Variants in FNDC3A observed in about 807,000 individuals in gnomAD.
FNDC3A encodes the protein fibronectin type III domain containing 3A, also known as fibronectin type-III domain-containing protein 3A.
A neutral mutation model predicts 148.9 loss-of-function variants in FNDC3A; 32 were observed. That is an observed-to-expected ratio of 0.21 (90% CI 0.16 to 0.29). The LOEUF (loss-of-function observed/expected upper bound fraction) is 0.29. Among genes scored for constraint, FNDC3A ranks in the 10% least tolerant of loss-of-function variants. FNDC3A has a pLI of 1.00. For synonymous variants in FNDC3A, 472 were observed against 473.6 expected (o/e 1.00, Z 0.04); for missense variants, 1,191 against 1,452.8 (o/e 0.82, Z 2.93).
intron 4 of FNDC3A, among the ~76,000 whole-genome samples, chr13:49,126,162 T>C (rs1040823462): frequency 3.9e-5 from 6 of 152,088 alleles, no homozygotes. Flanking sequence ...TGCCTTCCTC[T>C]GAAGTTACTG....
rs1882371283 is a variant in FNDC3A at position 49,136,519 on chromosome 13, T to C, written c.678T>C (p.Ile226=). The change falls in exon 6 of 26, where the codon ATT becomes ATC. Residue 226 remains isoleucine, a synonymous_variant. Transcript: ENST00000492622. ...ATAATGGACTTATAAAAGGACAAAT[T>C]GCTGGTGGTATAAACACAGGATCAG... The part of the protein sequence containing the change: ...NEHNGLIKGQ[I]AGGINTGSAK... The C allele has an allele frequency of 6.2e-7, 1 of 1,613,982 alleles. No individual in the cohort carries two copies. Among genetic ancestry groups the C allele is most frequent in the Non-Finnish European group, 8.5e-7 (1 of 1,179,990 alleles).
intron 2 of FNDC3A, among the ~76,000 whole-genome samples, chr13:49,033,751 T>A (rs1157164924): frequency 3.3e-5 from 5 of 152,012 alleles, no homozygotes; most frequent in Admixed American, 6.6e-5. Context: ...AATTTATACT[T>A]AAATTTTTTG....
rs376600034 is a variant in FNDC3A, at chr13:49,198,574, G to A, written c.2987G>A (p.Arg996Gln). ...YHLQMEDKNG[R>Q]FVSLYRGPCH... ...CTTCAGATGGAGGATAAGAATGGAC[G>A]GTAGGTTTTTTTAATTGCTTCTTTA... Residue 996 changes from arginine (R) to glutamine (Q), a missense_variant and splice_region_variant, in exon 23 of 26, where the codon CGG becomes CAG. Arg to Gln is a conservative substitution (Grantham distance 43). Transcript: ENST00000492622. 1.9e-5 allele frequency: 30 copies of A among 1,608,564 alleles called. No homozygotes were observed. The Admixed American group carries it at 2.5e-4, about 13-fold the overall frequency.
At chr13:49,042,442 G>A (rs1274903099) in intron 2 of FNDC3A, among the ~76,000 whole-genome samples, 1 of 151,784 alleles carries the variant, frequency 6.6e-6, no homozygotes, top group Non-Finnish European at 1.5e-5. Context: ...TATTTTCGTT[G>A]GATTAGCTAT....
chr13:49,059,520 A>G (rs976785656), intron 2 of FNDC3A, among the ~76,000 whole-genome samples: 7 of 152,204 alleles, frequency 4.6e-5, no homozygotes, highest in Non-Finnish European at 1.0e-4. Context: ...CAGTGGTATG[A>G]TCATGGCGCA....
At chr13:49,102,221 T>C (rs963181842) in intron 3 of FNDC3A, among the ~76,000 whole-genome samples, 4 of 152,062 alleles carry the variant, frequency 2.6e-5, no homozygotes, top group African/African-American at 9.7e-5. Context: ...TTATCATGGC[T>C]TGTGTTTTGG....
At chr13:49,159,126 C>T (rs1883920753) in intron 8 of FNDC3A, among the ~76,000 whole-genome samples, 1 of 152,106 alleles carries the variant, frequency 6.6e-6, no homozygotes. Context: ...TCCATATGAA[C>T]TTTAAAGTAG....
At chr13:49,163,104 G>T (rs1017480381) in intron 8 of FNDC3A, among the ~76,000 whole-genome samples, 2 of 152,216 alleles carry the variant, frequency 1.3e-5, no homozygotes, top group African/African-American at 4.8e-5. Flanking sequence ...CACTTGAGGA[G>T]GCAGTCTGTC....
intron 2 of FNDC3A, chr13:49,044,393 C>T (rs7139854): frequency 0.58 from 88,894 of 153,418 alleles, 27,414 homozygotes; most frequent in Non-Finnish European, 0.68. Flanking sequence ...AGTCTGAGGC[C>T]GGGCGTGGTG....
At chr13:49,013,731 A>C (rs1248093374) in intron 2 of FNDC3A, among the ~76,000 whole-genome samples, 13 of 133,714 alleles carry the variant, frequency 9.7e-5, no homozygotes, top group East Asian at 5.2e-4. Context: ...ATATCTCCCA[A>C]TGCTATCCCT....
At chr13:49,159,910 TG>T (rs1883980721) in intron 8 of FNDC3A, among the ~76,000 whole-genome samples, 1 of 152,232 alleles carries the variant, frequency 6.6e-6, no homozygotes, top group Non-Finnish European at 1.5e-5. Context: ...ATTTATATGA[TG>T]GATTACGTTT....
chr13:49,121,565 T>G (rs1243961769), intron 4 of FNDC3A, among the ~76,000 whole-genome samples: 1 of 152,132 alleles, frequency 6.6e-6, no homozygotes, highest in Non-Finnish European at 1.5e-5. Context: ...AGGAGCTGGT[T>G]TTTTGAAAAG....
chr13:49,180,111 A>G (rs1885229964), intron 14 of FNDC3A, among the ~76,000 whole-genome samples: 1 of 152,216 alleles, frequency 6.6e-6, no homozygotes, highest in Non-Finnish European at 1.5e-5. Context: ...AGTTCACACC[A>G]GATACCTTCA....
rs1022767636 is a variant in FNDC3A, at chr13:49,118,969, A to G, written c.252+4238A>G. Among the ~76,000 whole-genome samples the G allele has an allele frequency of 3.3e-5, 5 of 152,338 alleles. No homozygotes were observed. The South Asian group carries it at 1.0e-3, about 32-fold the overall frequency. On this transcript the variant is annotated intron_variant, in intron 4 of 25. Coordinates refer to ENST00000492622, the MANE Select transcript of FNDC3A (RefSeq NM_001079673.2). ...CGTTCCTGCCTACCGGCTCTAAAGC[A>G]AGCAGTGGATCTCCCAGCAGAGCTC...
rs1192094423 is a variant in FNDC3A, at chr13:49,073,469, C to G, written c.100-1820C>G. On this transcript the variant is annotated intron_variant, in intron 2 of 25. Coordinates refer to ENST00000492622, the MANE Select transcript of FNDC3A (RefSeq NM_001079673.2). ...CCAAAATTGGAAACTTTCTGAGCAC[C>G]AACATGATGCCACAAGTGGAGAATT... 2.6e-5 allele frequency among the ~76,000 whole-genome samples: 4 copies of G among 151,688 alleles called. No individual in the cohort carries two copies. The East Asian group carries it at 7.7e-4, about 29-fold the overall frequency.
intron 2 of FNDC3A, among the ~76,000 whole-genome samples, chr13:49,073,790 TTA>T (rs567675321): frequency 3.3e-4 from 48 of 146,480 alleles, no homozygotes; most frequent in East Asian, 1.2e-3. Context: ...TGTGTATATA[TTA>T]TATATATGTA....
intron 10 of FNDC3A, among the ~76,000 whole-genome samples, chr13:49,169,898 C>T (rs1415158931): frequency 1.3e-5 from 2 of 152,132 alleles, no homozygotes; most frequent in Non-Finnish European, 1.5e-5. Flanking sequence ...AATTTTATTT[C>T]GTGTCACTTA....
intron 2 of FNDC3A, among the ~76,000 whole-genome samples, chr13:49,072,622 G>T (rs973358353): frequency 1.3e-5 from 2 of 152,016 alleles, no homozygotes; most frequent in Non-Finnish European, 2.9e-5. Context: ...TTGTTCATGT[G>T]TAGAAACACT....
At chr13:49,113,989 A>G (rs1472291388) in intron 3 of FNDC3A, among the ~76,000 whole-genome samples, 3 of 151,932 alleles carry the variant, frequency 2.0e-5, no homozygotes, top group Admixed American at 2.0e-4. Context: ...AGAGAAGCTG[A>G]ATTTTCTTTT....
Sources: gnomAD v4.1 joint callset for allele counts (sites outside exome capture counted in the v4.1 genomes callset) on GRCh38, gnomAD v4.1.1 for gene constraint, MANE v1.5 for transcripts, NCBI Gene and HGNC (gene_info 2026-07-23, HGNC 2026-07-21) for gene names.